The following MUC12 variants were observed in gnomAD, a reference collection of about 807,000 sequenced individuals.
The protein encoded by MUC12 is mucin 12, cell surface associated.
In MUC12, 172 loss-of-function variants were observed where a neutral mutation model predicts 230.8. That is an observed-to-expected ratio of 0.75 (90% CI 0.66 to 0.85). The LOEUF (loss-of-function observed/expected upper bound fraction) is 0.85. MUC12 is among the 40% of genes least tolerant of loss of function. The pLI is 0.00. For synonymous variants in MUC12, 1,259 were observed against 2,401.9 expected (o/e 0.52, Z 13.91); for missense variants, 3,506 against 5,920.6 (o/e 0.59, Z 13.38).
intron 5 of MUC12, among the ~76,000 whole-genome samples, chr7:101,011,424 T>A (rs1213882107): frequency 6.6e-6 from 1 of 152,178 alleles, no homozygotes; most frequent in Non-Finnish European, 1.5e-5. Context: ...CTTACCTTTT[T>A]CTTTCTTTTT....
Position 101,004,839 on chromosome 7 carries a change from G to T in MUC12, c.14276G>T (p.Ser4759Ile), listed in dbSNP as rs1232907625. ...ACACTCTCACCTGCCAGCATGACAA[G>T]CTCCAGCATCAGTGGAGAACCCACC... ...DQTLSPASMT[S>I]SSISGEPTSL... The change falls in exon 2 of 12, where the codon AGC (serine) becomes ATC (isoleucine). Residue 4759 changes from serine (S) to isoleucine (I), a missense_variant. Transcript: ENST00000536621. The T allele has an allele frequency of 3.9e-6, 6 of 1,536,778 alleles. No individual in the cohort carries two copies. The highest frequency in any genetic ancestry group is 5.2e-6 in the Non-Finnish European group (6 of 1,146,472).
chr7:101,007,815 A>T (rs4729640), intron 3 of MUC12, among the ~76,000 whole-genome samples: 116,460 of 152,016 alleles, frequency 0.77, 44,823 homozygotes, highest in African/African-American at 0.83. Flanking sequence ...TTTTATTTTT[A>T]GAGATGGAGT....
chr7:101,018,573 C>T, intron 11 of MUC12, 22 bp from the exon 12 acceptor site: 1 of 1,536,036 alleles, frequency 6.5e-7, no homozygotes, highest in Non-Finnish European at 8.7e-7. Flanking sequence ...CTTGGCCTCA[C>T]CTCTTCTCTC....
At chr7:100,985,380 A>G (rs7785171) in intron 1 of MUC12, among the ~76,000 whole-genome samples, 70,630 of 151,930 alleles carry the variant, frequency 0.46, 16,798 homozygotes, top group East Asian at 0.61. Flanking sequence ...TCAAGCACTG[A>G]TTTTAGGAGC....
In MUC12 at chr7:101,017,732, C is replaced by CGGGACTCCCTTCTCCCGCT; in HGVS notation, c.15966+85_15966+86insGCTGGGACTCCCTTCTCCC. ...CTTCCTCTGGGGTTCCCTCTTCCCC[C>CGGGACTCCCTTCTCCCGCT]GGGACTCCCTTCTCCCCCTGGGACT... On this transcript the variant is annotated intron_variant, in intron 11 of 11. Transcript: ENST00000536621. 3 of 1,133,638 alleles carry CGGGACTCCCTTCTCCCGCT rather than the reference C, an allele frequency of 2.6e-6. No homozygotes were observed. The South Asian group carries it at 4.5e-5, about 17-fold the overall frequency. The allele number at this position is 1,133,638 out of a possible 1,614,324, so 70.2% of individuals were successfully genotyped here.
At position 100,991,936 on chromosome 7, in the gene MUC12, C is replaced by G. The variant is rs368848717; in HGVS notation, c.1373C>G (p.Pro458Arg). Reference sequence around the variant, plus strand: ...ACAGTCTTACCTGCCGGCTCTACACCCTCAGTTCTTGTTGGAGACTCGACG... The same window carrying G: ...ACAGTCTTACCTGCCGGCTCTACACGCTCAGTTCTTGTTGGAGACTCGACG... ...ATTVLPAGST[P>R]SVLVGDSTPS... The change falls in exon 2 of 12, where the codon CCC (proline) becomes CGC (arginine). Residue 458 changes from proline to arginine, a missense_variant. Coordinates refer to ENST00000536621, the MANE Select transcript of MUC12 (RefSeq NM_001164462.2). 3.9e-5 allele frequency: 60 copies of G among 1,537,968 alleles called. 1 individual carries two copies. In the Middle Eastern group the frequency reaches 1.8e-3, roughly 47 times the overall value.
chr7:100,992,367 C>G lies in MUC12; in HGVS notation c.1804C>G (p.Leu602Val), dbSNP rs201803409. 1,111 of 1,536,364 alleles carry G rather than the reference C, an allele frequency of 7.2e-4. 1 individual carries two copies. Among genetic ancestry groups the G allele is most frequent in the Non-Finnish European group, 8.7e-4 (1,000 of 1,145,910 alleles). The stretch of plus-strand genomic sequence containing the variant: ...TGACAACACCACAGCCTCAGGACTC[C>G]TTGAAGCATCTATGCCCGTCCACAG... ...LPDNTTASGL[L>V]EASMPVHSST... Residue 602 changes from leucine (L) to valine (V), a missense_variant, in exon 2 of 12, where the codon CTT becomes GTT. Leu to Val is a conservative substitution (Grantham distance 32). Coordinates refer to ENST00000536621, the MANE Select transcript of MUC12 (RefSeq NM_001164462.2).
rs961852937 is a variant in MUC12, at chr7:101,006,529, C to T, written c.15015C>T (p.Tyr5005=). 2.5e-5 allele frequency: 38 copies of T among 1,537,094 alleles called. No homozygotes were observed. The highest frequency in any genetic ancestry group is 4.9e-5 in the East Asian group (2 of 40,922). ...AACAATGCGTCTGTCCCCAAGGCTA[C>T]GTTGGTTACCAGTGCTTGTCCCCTC... ...NGKQCVCPQG[Y]VGYQCLSPLE... is the part of the protein sequence containing the mutation. The change falls in exon 3 of 12, where the codon TAC becomes TAT. Residue 5005 remains tyrosine (Y), a synonymous_variant. Coordinates refer to ENST00000536621, the MANE Select transcript of MUC12 (RefSeq NM_001164462.2).
Position 100,991,320 on chromosome 7 carries a change from C to A in MUC12, c.757C>A (p.His253Asn). Residue 253 changes from histidine to asparagine, a missense_variant, in exon 2 of 12, where the codon CAC becomes AAC. Physicochemically the swap from His to Asn is moderately conservative, Grantham distance 68. Transcript: ENST00000536621. ...SGLLEASTPV[H>N]SSTGSPHTTL... The stretch of plus-strand genomic sequence containing the variant: ...CCTCCTTGAAGCATCTACGCCCGTC[C>A]ACAGCAGCACTGGATCGCCACACAC... 1.3e-6 allele frequency: 2 copies of A among 1,537,818 alleles called. No homozygotes were observed. The highest frequency in any genetic ancestry group is 2.4e-5 in the South Asian group (2 of 84,054).
chr7:100,995,421 C>T lies in MUC12; in HGVS notation c.4858C>T (p.Pro1620Ser), dbSNP rs2116317519. The change falls in exon 2 of 12, where the codon CCT (proline) becomes TCT (serine). Residue 1620 changes from proline to serine, a missense_variant. Coordinates refer to ENST00000536621, the MANE Select transcript of MUC12 (RefSeq NM_001164462.2). Reference sequence around the variant, plus strand: ...AGGCTCCACAGACACAACATTGTCCCCTGGCAGTACCACAGCATCATCCCT... The same window carrying T: ...AGGCTCCACAGACACAACATTGTCCTCTGGCAGTACCACAGCATCATCCCT... ...SPGSTDTTLS[P>S]GSTTASSLGP... is the part of the protein sequence containing the mutation. The T allele has an allele frequency of 1.3e-6, 2 of 1,534,672 alleles. No homozygotes were observed. The highest frequency in any genetic ancestry group is 1.7e-6 in the Non-Finnish European group (2 of 1,145,802).
intron 10 of MUC12, 151 bp from the exon 11 acceptor site, chr7:101,017,424 A>G (rs912235927): frequency 6.7e-6 from 4 of 601,284 alleles, no homozygotes; most frequent in Middle Eastern, 2.6e-4. Context: ...CCCGCAGCCC[A>G]GTGATGCAGG....
At chr7:101,013,280 C>A in intron 8 of MUC12, 138 bp downstream of exon 8, 1 of 902,500 alleles carries the variant, frequency 1.1e-6, no homozygotes, top group Non-Finnish European at 1.7e-6. Flanking sequence ...ATACCTCTCC[C>A]CTGTAATCTC....
chr7:101,005,184 A>G lies in MUC12; in HGVS notation c.14621A>G (p.His4874Arg), dbSNP rs1412994041. Residue 4874 changes from histidine to arginine, a missense_variant, in exon 2 of 12, where the codon CAT (histidine) becomes CGT (arginine). By Grantham distance (29) the His-to-Arg change is conservative. Transcript: ENST00000536621. ...AFSHSNTMSI[H>R]SQQSTPFPDS... Reference sequence around the variant, plus strand: ...TCTCACAGCAACACAATGTCCATTCATAGTCAACAATCTACACCCTTCCCT... The same window carrying G: ...TCTCACAGCAACACAATGTCCATTCGTAGTCAACAATCTACACCCTTCCCT... 4 of 1,537,622 alleles carry G rather than the reference A, an allele frequency of 2.6e-6. No individual in the cohort carries two copies. Among genetic ancestry groups the G allele is most frequent in the African/African-American group, 1.4e-5 (1 of 72,948 alleles).
intron 1 of MUC12, among the ~76,000 whole-genome samples, chr7:100,971,419 G>A (rs1340147510): frequency 3.3e-5 from 5 of 151,656 alleles, no homozygotes; most frequent in Non-Finnish European, 7.4e-5. Context: ...GGGGGCAGGG[G>A]AGCTGGGGTG....
intron 1 of MUC12, among the ~76,000 whole-genome samples, chr7:100,970,351 G>T (rs1411449509): frequency 6.6e-6 from 1 of 151,946 alleles, no homozygotes; most frequent in Admixed American, 6.6e-5. Flanking sequence ...ACCAGGCATG[G>T]TGGCGCACAC....
At chr7:101,010,082 A>G (rs1793817469) in intron 5 of MUC12, among the ~76,000 whole-genome samples, 1 of 152,128 alleles carries the variant, frequency 6.6e-6, no homozygotes, top group Non-Finnish European at 1.5e-5. Flanking sequence ...CCAGTGTGAA[A>G]GGTCTTTGGG....
chr7:101,005,807 T>C (rs975609434), intron 2 of MUC12, among the ~76,000 whole-genome samples: 28 of 152,114 alleles, frequency 1.8e-4, no homozygotes, highest in Non-Finnish European at 2.9e-5. Context: ...TGGATTTTTT[T>C]TTTTTTTTGA....
intron 1 of MUC12, among the ~76,000 whole-genome samples, chr7:100,981,022 A>C (rs1038908725): frequency 4.7e-4 from 72 of 152,226 alleles, no homozygotes; most frequent in African/African-American, 1.7e-3. Context: ...AAAAGGCCCC[A>C]ACCAACACTA....
chr7:100,981,485 C>A, intron 1 of MUC12: 1 of 502,048 alleles, frequency 2.0e-6, no homozygotes, highest in Non-Finnish European at 3.6e-6. Context: ...GCTGCAGGAG[C>A]CAGAGAGAAG....
Sources: gnomAD v4.1 joint callset for allele counts (sites outside exome capture counted in the v4.1 genomes callset) on GRCh38, gnomAD v4.1.1 for gene constraint, MANE v1.5 for transcripts, NCBI Gene and HGNC (gene_info 2026-07-23, HGNC 2026-07-21) for gene names.